CNKSR2: variants seen among roughly 807,000 people sequenced by gnomAD.
The protein encoded by CNKSR2 is connector enhancer of kinase suppressor of Ras 2.
In CNKSR2, 14 loss-of-function variants were observed where a neutral mutation model predicts 84.4. The observed-to-expected ratio is 0.17, with a 90% CI of 0.11 to 0.26. The LOEUF (loss-of-function observed/expected upper bound fraction) is 0.26. Ranked by LOEUF, CNKSR2 falls within the 10% of genes least tolerant of loss-of-function variation. The probability of loss-of-function intolerance (pLI) is 1.00; values close to 1 mark genes in which losing one functional copy is unlikely to be tolerated. For missense variants in CNKSR2, 485 were observed against 771.2 expected (o/e 0.63, Z 4.40); for synonymous variants, 275 against 277.9 (o/e 0.99, Z 0.10).
chrX:21,552,569 A>G (rs755957052), intron 11 of CNKSR2, among the ~76,000 whole-genome samples: 9 of 112,178 alleles, frequency 8.0e-5, no homozygotes, highest in East Asian at 5.6e-4. Flanking sequence ...TGACTTACAG[A>G]TAAGCATATA....
chrX:21,423,936 G>T (rs2090532059), intron 1 of CNKSR2: 1 of 109,913 alleles, frequency 9.1e-6, no homozygotes, highest in African/African-American at 3.3e-5. Flanking sequence ...ATTTATTTTT[G>T]CAAGGGTATG....
chrX:21,469,467 T>C (rs1357141274), intron 4 of CNKSR2, among the ~76,000 whole-genome samples: 1 of 112,195 alleles, frequency 8.9e-6, no homozygotes, highest in Non-Finnish European at 1.9e-5. Flanking sequence ...ACAACATTCC[T>C]TTTTTGTTAA....
intron 1 of CNKSR2, among the ~76,000 whole-genome samples, chrX:21,403,249 TCTCC>T (rs1172734265): frequency 1.8e-5 from 2 of 111,214 alleles, no homozygotes; most frequent in African/African-American, 6.5e-5. Context: ...GGAAATCAGT[TCTCC>T]CTCAGTATTC....
chrX:21,435,606 A>G (rs1229325038), intron 3 of CNKSR2, among the ~76,000 whole-genome samples: 1 of 111,614 alleles, frequency 9.0e-6, no homozygotes, highest in Non-Finnish European at 1.9e-5. Flanking sequence ...TGGTAGCTTT[A>G]CTGTTTATTT....
chrX:21,503,465 C>G, intron 8 of CNKSR2: 1 of 274,840 alleles, frequency 3.6e-6, no homozygotes, highest in East Asian at 5.1e-5. Flanking sequence ...TTAGTCCATG[C>G]AATAATCCTG....
chrX:21,577,729 C>T (rs1290118723), intron 13 of CNKSR2, among the ~76,000 whole-genome samples: 1 of 110,151 alleles, frequency 9.1e-6, no homozygotes, highest in African/African-American at 3.3e-5. Flanking sequence ...ATTATCTTAC[C>T]CCTAGAATTC....
At chrX:21,598,682 T>C (rs2092463657) in intron 17 of CNKSR2, among the ~76,000 whole-genome samples, 1 of 112,419 alleles carries the variant, frequency 8.9e-6, no homozygotes, top group East Asian at 2.8e-4. Flanking sequence ...TTTTCTAACT[T>C]GCTTGCTTGT....
intron 2 of CNKSR2, among the ~76,000 whole-genome samples, chrX:21,430,744 G>A (rs1190474560): frequency 8.9e-6 from 1 of 111,782 alleles, no homozygotes; most frequent in African/African-American, 3.2e-5. Flanking sequence ...GTTATAAATT[G>A]TTCTTATCTA....
chrX:21,526,218 T>C (rs1398988993), intron 9 of CNKSR2, among the ~76,000 whole-genome samples: 1 of 111,360 alleles, frequency 9.0e-6, no homozygotes, highest in Non-Finnish European at 1.9e-5. Context: ...AATGGTGAAA[T>C]GATTGTGTTA....
chrX:21,492,177 A>G (rs1601858125), intron 6 of CNKSR2: 1 of 111,479 alleles, frequency 9.0e-6, no homozygotes, highest in Middle Eastern at 4.6e-3. Flanking sequence ...GGGAGAAATA[A>G]CCTTGTAAAA....
intron 11 of CNKSR2, among the ~76,000 whole-genome samples, chrX:21,556,181 G>A (rs762335175): frequency 2.7e-5 from 3 of 110,854 alleles, no homozygotes; most frequent in South Asian, 3.8e-4. Context: ...TCTAGTGTCT[G>A]AGGAAAGTCC....
At chrX:21,652,097 G>C (rs2092722234) in intron 21 of CNKSR2, among the ~76,000 whole-genome samples, 1 of 111,849 alleles carries the variant, frequency 8.9e-6, no homozygotes, top group Non-Finnish European at 1.9e-5. Flanking sequence ...CAGGCAAAGA[G>C]AAAAAGCAAA....
chrX:21,560,143 G>A (rs967701599), intron 11 of CNKSR2, among the ~76,000 whole-genome samples: 1 of 111,486 alleles, frequency 9.0e-6, no homozygotes, highest in Non-Finnish European at 1.9e-5. Flanking sequence ...AATTGTTGGA[G>A]TACTGTAGGT....
At chrX:21,410,681 A>T (rs1187076709) in intron 1 of CNKSR2, among the ~76,000 whole-genome samples, 1 of 111,675 alleles carries the variant, frequency 9.0e-6, no homozygotes, top group African/African-American at 3.2e-5. Context: ...CAATAAAAGT[A>T]ATGATAGTTT....
At chrX:21,513,834 C>T (rs1481706793) in intron 8 of CNKSR2, among the ~76,000 whole-genome samples, 1 of 111,772 alleles carries the variant, frequency 8.9e-6, no homozygotes, top group Middle Eastern at 4.2e-3. Flanking sequence ...ATTTTCCATC[C>T]ATAACAAACA....
At chrX:21,589,808 G>A (rs1372316793) in intron 13 of CNKSR2, among the ~76,000 whole-genome samples, 1 of 111,547 alleles carries the variant, frequency 9.0e-6, no homozygotes, top group Non-Finnish European at 1.9e-5. Flanking sequence ...GAAACTAAGA[G>A]GAAAGAAAGA....
chrX:21,533,314 C>G (rs1173326103), intron 11 of CNKSR2, among the ~76,000 whole-genome samples: 2 of 109,748 alleles, frequency 1.8e-5, no homozygotes, highest in Admixed American at 9.7e-5. Flanking sequence ...TACCCTTGCC[C>G]CATGAAATAA....
chrX:21,517,941 C>A (rs977926227), intron 9 of CNKSR2, among the ~76,000 whole-genome samples: 3 of 111,515 alleles, frequency 2.7e-5, no homozygotes, highest in Non-Finnish European at 3.8e-5. Flanking sequence ...TTGTTTAAAA[C>A]TTTACTACTT....
At chrX:21,375,316 A>T (rs1182560773) in intron 1 of CNKSR2, among the ~76,000 whole-genome samples, 1 of 111,507 alleles carries the variant, frequency 9.0e-6, no homozygotes, top group African/African-American at 3.3e-5. Flanking sequence ...CTCAGGGTGG[A>T]CTCCCCCAGG....
Sources: gnomAD v4.1 joint callset for allele counts (sites outside exome capture counted in the v4.1 genomes callset) on GRCh38, gnomAD v4.1.1 for gene constraint, MANE v1.5 for transcripts, NCBI Gene and HGNC (gene_info 2026-07-23, HGNC 2026-07-21) for gene names.